Variants in SIPA1L3 observed in about 807,000 individuals in gnomAD.
SIPA1L3 encodes signal-induced proliferation-associated 1-like protein 3.
In SIPA1L3, 59 loss-of-function variants were observed where a neutral mutation model predicts 150.1. The ratio of observed to expected loss-of-function variants is 0.39; its 90% CI spans 0.32 to 0.49. The LOEUF (loss-of-function observed/expected upper bound fraction) is 0.49, where lower values mean the gene tolerates loss of function less well. SIPA1L3 is among the 20% of genes least tolerant of loss of function. SIPA1L3 has a pLI of 0.86. For missense variants in SIPA1L3, 2,211 were observed against 2,489.5 expected, an observed-to-expected ratio of 0.89 and a Z score of 2.38; for synonymous variants, 1,070 against 1,077.6, an observed-to-expected ratio of 0.99 and a Z score of 0.14.
chr19:38,096,640 T>G (rs1049969199), intron 4 of SIPA1L3, among the ~76,000 whole-genome samples: 2 of 152,060 alleles, frequency 1.3e-5, no homozygotes, highest in Non-Finnish European at 2.9e-5. Context: ...GCGTTCTTGG[T>G]GTGGTGCTGG....
intron 19 of SIPA1L3, among the ~76,000 whole-genome samples, 189 bp downstream of exon 19, chr19:38,198,721 A>G (rs951136273): frequency 6.6e-6 from 1 of 152,216 alleles, no homozygotes; most frequent in African/African-American, 2.4e-5. Flanking sequence ...CTTTGATGCC[A>G]GCGAACCACG....
intron 1 of SIPA1L3, among the ~76,000 whole-genome samples, chr19:37,925,192 C>G (rs1465547339): frequency 6.6e-6 from 1 of 152,222 alleles, no homozygotes; most frequent in African/African-American, 2.4e-5. Flanking sequence ...CTCCCCGTGG[C>G]TCATGTCACT....
intron 8 of SIPA1L3, among the ~76,000 whole-genome samples, chr19:38,115,882 G>A (rs1970870445): frequency 6.6e-6 from 1 of 152,174 alleles, no homozygotes; most frequent in Non-Finnish European, 1.5e-5. Flanking sequence ...GCTCTGGGAA[G>A]GCAGGGACCA....
At position 38,082,777 on chromosome 19, in the gene SIPA1L3, C is replaced by T; in HGVS notation, c.1212C>T (p.Asp404=). 1.9e-6 allele frequency: 3 copies of T among 1,613,350 alleles called. No individual in the cohort carries two copies. The highest frequency in any genetic ancestry group is 2.2e-5 in the South Asian group (2 of 91,080). The change falls in exon 3 of 22, where the codon GAC becomes GAT. Residue 404 remains aspartate (D), a synonymous_variant. Coordinates refer to ENST00000222345, the MANE Select transcript of SIPA1L3 (RefSeq NM_015073.3). ...ACCCGGCCTTCACCAGCACAGAGGA[C>T]CTAAACTGCAAGGAGAACTTGGAGC... is the stretch of plus-strand genomic sequence containing the variant. ...GLDPAFTSTE[D]LNCKENLEQD...
At position 38,130,626 on chromosome 19, in the gene SIPA1L3, C is replaced by T. The variant is rs772327909; in HGVS notation, c.2997C>T (p.Ala999=). The T allele has an allele frequency of 7.4e-6, 12 of 1,613,648 alleles. No homozygotes were observed. The highest frequency in any genetic ancestry group is 1.3e-5 in the African/African-American group (1 of 74,962). ...AGGACTATGGGTTCGCCTGGCAGGCCGGCCTCCGGCAGGGCAGCCGACTAG... is the reference window on the plus strand; with the variant it reads ...AGGACTATGGGTTCGCCTGGCAGGCTGGCCTCCGGCAGGGCAGCCGACTAG... ...EVEDYGFAWQ[A]GLRQGSRLVE... Residue 999 remains alanine (A), a synonymous_variant, in exon 10 of 22, where the codon GCC becomes GCT. Coordinates refer to ENST00000222345, the MANE Select transcript of SIPA1L3 (RefSeq NM_015073.3).
intron 6 of SIPA1L3, among the ~76,000 whole-genome samples, chr19:38,106,108 ATTT>A (rs56305500): frequency 9.0e-5 from 12 of 133,976 alleles, no homozygotes; most frequent in Admixed American, 2.2e-4. Flanking sequence ...AATGTATTTA[ATTT>A]TTTTTTTTTT....
At chr19:38,186,551 A>T (rs1972682539) in intron 16 of SIPA1L3, among the ~76,000 whole-genome samples, 1 of 150,990 alleles carries the variant, frequency 6.6e-6, no homozygotes, top group Non-Finnish European at 1.5e-5. Context: ...ACGGGGTTTC[A>T]CCATGTTGGT....
At chr19:38,019,590 A>T (rs1482277460) in intron 1 of SIPA1L3, among the ~76,000 whole-genome samples, 1 of 152,202 alleles carries the variant, frequency 6.6e-6, no homozygotes, top group Non-Finnish European at 1.5e-5. Flanking sequence ...GGCACTTAGC[A>T]ACTGGAGTTG....
intron 4 of SIPA1L3, among the ~76,000 whole-genome samples, chr19:38,092,966 T>G (rs1284954092): frequency 6.6e-6 from 1 of 151,396 alleles, no homozygotes; most frequent in Non-Finnish European, 1.5e-5. Context: ...TTCACGCCAT[T>G]CTCCTGCCTC....
At chr19:38,012,279 T>A (rs1444151842) in intron 1 of SIPA1L3, among the ~76,000 whole-genome samples, 1 of 151,012 alleles carries the variant, frequency 6.6e-6, no homozygotes, top group Non-Finnish European at 1.5e-5. Context: ...GAGATGGGGG[T>A]CTCACTATGT....
intron 15 of SIPA1L3, among the ~76,000 whole-genome samples, chr19:38,175,399 C>A (rs1972415844): frequency 6.6e-6 from 1 of 152,204 alleles, no homozygotes; most frequent in African/African-American, 2.4e-5. Flanking sequence ...AAAAGCATTG[C>A]ACACACTTAT....
At chr19:38,072,246 C>T (rs1481818953) in intron 2 of SIPA1L3, among the ~76,000 whole-genome samples, 1 of 152,186 alleles carries the variant, frequency 6.6e-6, no homozygotes, top group Non-Finnish European at 1.5e-5. Flanking sequence ...TGATACCCAC[C>T]TCATGGGGTT....
intron 4 of SIPA1L3, 70 bp downstream of exon 4, chr19:38,088,921 GC>G: frequency 6.5e-7 from 1 of 1,549,554 alleles, no homozygotes; most frequent in Non-Finnish European, 8.8e-7. Flanking sequence ...GGTTCTGGGG[GC>G]AAACGCTTCC....
Position 38,164,061 on chromosome 19 carries a change from G to T in SIPA1L3, c.3781-418G>T, listed in dbSNP as rs1972151101. Among the ~76,000 whole-genome samples, 1 of 152,190 alleles carries T rather than the reference G, an allele frequency of 6.6e-6. No homozygotes were observed. Among genetic ancestry groups the T allele is most frequent in the African/African-American group, 2.4e-5 (1 of 41,448 alleles). ...CTGTGTTGAGGACGCGGGCAGCAGG[G>T]TTTGCTAGTGGGCTGGACATGAGTG... On this transcript the variant is annotated intron_variant, in intron 14 of 21. Transcript: ENST00000222345. This position sits in a 1 kb window ranked among gnomAD's most constrained non-coding sequence, Gnocchi z 4.1.
At chr19:38,033,701 G>A (rs529972977) in intron 2 of SIPA1L3, among the ~76,000 whole-genome samples, 14 of 151,088 alleles carry the variant, frequency 9.3e-5, no homozygotes, top group Admixed American at 8.6e-4. Context: ...GTGTGTGTGC[G>A]TGTATGTAAA....
intron 2 of SIPA1L3, among the ~76,000 whole-genome samples, chr19:38,040,153 TC>T (rs1374294038): frequency 2.6e-5 from 4 of 152,266 alleles, no homozygotes; most frequent in South Asian, 4.1e-4. Context: ...GTTCCGTATA[TC>T]CTCTCACATG....
chr19:37,940,907 A>G (rs1295652229), intron 1 of SIPA1L3, among the ~76,000 whole-genome samples: 1 of 151,988 alleles, frequency 6.6e-6, no homozygotes, highest in Non-Finnish European at 1.5e-5. Flanking sequence ...TTTCTCTTGC[A>G]GTTTATATGT....
chr19:38,112,092 C>G (rs1276665223), intron 8 of SIPA1L3, among the ~76,000 whole-genome samples: 2 of 116,202 alleles, frequency 1.7e-5, no homozygotes, highest in African/African-American at 9.1e-5. Context: ...CGCACATGCA[C>G]ACACCTACAT....
At chr19:37,992,168 G>A (rs1967524587) in intron 1 of SIPA1L3, among the ~76,000 whole-genome samples, 1 of 152,140 alleles carries the variant, frequency 6.6e-6, no homozygotes, top group Admixed American at 6.5e-5. Flanking sequence ...TACAGCAAGG[G>A]CCAGAGCAGT....
Sources: gnomAD v4.1 joint callset for allele counts (sites outside exome capture counted in the v4.1 genomes callset) on GRCh38, gnomAD v4.1.1 for gene constraint, Gnocchi (gnomAD v3.1) non-coding constraint, MANE v1.5 for transcripts, NCBI Gene and HGNC (gene_info 2026-07-23, HGNC 2026-07-21) for gene names.